SDHA: variants seen among roughly 807,000 people sequenced by gnomAD.
SDHA encodes succinate dehydrogenase [ubiquinone] flavoprotein subunit, mitochondrial.
A neutral mutation model predicts 78.4 loss-of-function variants in SDHA; 48 were observed. The ratio of observed to expected loss-of-function variants is 0.61; its 90% CI spans 0.49 to 0.78. The LOEUF is 0.78. SDHA is among the 30% of genes least tolerant of loss of function. SDHA has a pLI of 0.00. For synonymous variants in SDHA, 326 were observed against 353.9 expected, an observed-to-expected ratio of 0.92 and a Z score of 0.88; for missense variants, 680 against 892.7, an observed-to-expected ratio of 0.76 and a Z score of 3.04.
rs1343186532 is a variant in SDHA at position 250,850 on chromosome 5, C to A, written c.1552-142C>A. Reference sequence around the variant, plus strand: ...ATTTTTAAGTTTGGAGTAATAAACTCATAGTCTGAATTTCCTAATTTTTCT... The same window carrying A: ...ATTTTTAAGTTTGGAGTAATAAACTAATAGTCTGAATTTCCTAATTTTTCT... On this transcript the variant is annotated intron_variant, in intron 11 of 14. Transcript: ENST00000264932. The A allele has an allele frequency of 1.3e-5, 10 of 748,470 alleles. No homozygotes were observed. The East Asian group carries it at 2.7e-4, about 20-fold the overall frequency. The allele number at this position is 748,470 out of a possible 1,614,324, so 46.4% of individuals were successfully genotyped here.
intron 5 of SDHA, 171 bp from the exon 6 acceptor site, chr5:228,014 G>A (rs2162870): frequency 0.16 from 107,171 of 684,354 alleles, 13,230 homozygotes; most frequent in African/African-American, 0.53. Context: ...ACTGCTCGGC[G>A]TGGAATGCCT....
At chr5:248,379 GA>G (rs1249095938) in intron 11 of SDHA, among the ~76,000 whole-genome samples, 1 of 152,186 alleles carries the variant, frequency 6.6e-6, no homozygotes, top group Non-Finnish European at 1.5e-5. Context: ...AAAACCTGAG[GA>G]AAGCGGGACA....
the SDHA span, among the ~76,000 whole-genome samples, chr5:266,318 A>AC: frequency 2.6e-5 from 4 of 152,210 alleles, no homozygotes; most frequent in Non-Finnish European, 5.9e-5. Flanking sequence ...TAGCACAGGC[A>AC]CCCCTGAAGC....
chr5:247,958 G>A (rs1202441840), intron 11 of SDHA, among the ~76,000 whole-genome samples: 1 of 151,802 alleles, frequency 6.6e-6, no homozygotes, highest in Non-Finnish European at 1.5e-5. Flanking sequence ...GGGAAAACAG[G>A]GACTACGGGA....
At chr5:231,743 C>T (rs1477016833) in intron 7 of SDHA, among the ~76,000 whole-genome samples, 1 of 151,376 alleles carries the variant, frequency 6.6e-6, no homozygotes, top group African/African-American at 2.4e-5. Flanking sequence ...GCCATGGAAC[C>T]GAGAAGCAGC....
intron 3 of SDHA, 42 bp from the exon 4 acceptor site, chr5:225,377 C>T (rs377528979): frequency 2.0e-5 from 33 of 1,611,612 alleles, no homozygotes; most frequent in Middle Eastern, 4.5e-4. Context: ...ACAAAGTTGG[C>T]GCTCCTGTTT....
At chr5:251,172 C>G (rs995737878) in intron 12 of SDHA, 69 bp downstream of exon 12, 11 of 1,561,016 alleles carry the variant, frequency 7.0e-6, no homozygotes, top group Middle Eastern at 2.3e-4. Flanking sequence ...GGTGTCTGTC[C>G]CGTCAGTGCT....
chr5:239,804 C>G (rs1579416526), intron 10 of SDHA, among the ~76,000 whole-genome samples: 2 of 149,596 alleles, frequency 1.3e-5, no homozygotes, highest in East Asian at 2.0e-4. Flanking sequence ...GGGTCTCGCT[C>G]TGTTGCCCAG....
At chr5:238,545 T>C (rs1439523337) in intron 10 of SDHA, among the ~76,000 whole-genome samples, 1 of 151,956 alleles carries the variant, frequency 6.6e-6, no homozygotes, top group East Asian at 1.9e-4. Context: ...TTTTTAAAAA[T>C]GTTTTGTAGG....
rs760832857 is a variant in SDHA at position 230,111 on chromosome 5, A to G, written c.771-765A>G. Among the ~76,000 whole-genome samples the G allele has an allele frequency of 6.6e-5, 10 of 152,250 alleles. No homozygotes were observed. In the South Asian group the frequency reaches 2.1e-3, roughly 31 times the overall value. ...AGGCGTCTGTATCTCCAAAAAAAGG[A>G]TAATTGTATGAGGTGATAGATGTGT... On this transcript the variant is annotated intron_variant, in intron 6 of 14. Coordinates refer to ENST00000264932, the MANE Select transcript of SDHA (RefSeq NM_004168.4).
chr5:265,213 TAAA>T, the SDHA span, among the ~76,000 whole-genome samples: 2 of 151,918 alleles, frequency 1.3e-5, no homozygotes, highest in African/African-American at 4.8e-5. Context: ...TCTCAAAAAA[TAAA>T]AAAAGATTTT....
intron 10 of SDHA, among the ~76,000 whole-genome samples, chr5:237,541 C>T (rs1421819178): frequency 2.2e-5 from 3 of 134,448 alleles, no homozygotes; most frequent in Non-Finnish European, 4.5e-5. Context: ...GACATCCTCA[C>T]GGTGGTTATC....
Position 233,682 on chromosome 5 carries a change from C to T in SDHA, c.1064+37C>T, listed in dbSNP as rs1735571592. On this transcript the variant is annotated intron_variant, in intron 8 of 14. Coordinates refer to ENST00000264932, the MANE Select transcript of SDHA (RefSeq NM_004168.4). ...TTACCACCAGCACTGTCTGAGCGGGCACACGGGCCGGGGTTGCTTCTGTGA... is the reference window on the plus strand; with the variant it reads ...TTACCACCAGCACTGTCTGAGCGGGTACACGGGCCGGGGTTGCTTCTGTGA... 2.5e-6 allele frequency: 4 copies of T among 1,609,748 alleles called. No homozygotes were observed. In the South Asian group the frequency reaches 4.4e-5, roughly 18 times the overall value.
At position 239,671 on chromosome 5, in the gene SDHA, G is replaced by T. The variant is rs149870463; in HGVS notation, c.1433-687G>T. 2.6e-3 allele frequency among the ~76,000 whole-genome samples: 390 copies of T among 152,260 alleles called. 1 individual carries two copies. The highest frequency in any genetic ancestry group is 8.9e-3 in the African/African-American group (369 of 41,542). ...CCACCTTCCCCCCGCTGATGTGAAG[G>T]GTGGCCGGCCCCTTGGGACCACCAT... On this transcript the variant is annotated intron_variant, in intron 10 of 14. Transcript: ENST00000264932.
chr5:259,663 C>G (rs1430455701), downstream of SDHA, among the ~76,000 whole-genome samples: 1 of 14,648 alleles, frequency 6.8e-5, no homozygotes, highest in African/African-American at 5.4e-4. Flanking sequence ...CCGCCTCCCG[C>G]CAGAGCATTA....
At chr5:257,720 C>T (rs1181609758), downstream of SDHA, among the ~76,000 whole-genome samples, 13 of 102,918 alleles carry the variant, frequency 1.3e-4, 1 homozygote, top group East Asian at 1.0e-3. Flanking sequence ...ACAGCATTAC[C>T]GTGTGAGCTC....
At chr5:220,478 C>T in intron 1 of SDHA, 1 of 189,854 alleles carries the variant, frequency 5.3e-6, no homozygotes, top group South Asian at 8.4e-5. Context: ...TAGTAGTAAA[C>T]CTTTGCTTTG....
intron 14 of SDHA, 101 bp from the exon 15 acceptor site, chr5:256,233 C>T: frequency 2.3e-6 from 2 of 860,588 alleles, no homozygotes; most frequent in Non-Finnish European, 4.1e-6. Flanking sequence ...AGTTCACATG[C>T]CATAAATCTA....
In SDHA at chr5:254,482, C is replaced by G. The variant is rs1224468457; in HGVS notation, c.1884C>G (p.Ser628=). The G allele has an allele frequency of 3.8e-6, 6 of 1,578,782 alleles. No individual in the cohort carries two copies. The highest frequency in any genetic ancestry group is 2.3e-5 in the East Asian group (1 of 43,630). ...AGCACTGGAGGAAGCACACCCTGTC[C>G]TATGTGGACGTTGGCACTGGGAAGG... is the stretch of plus-strand genomic sequence containing the variant. ...FEEHWRKHTL[S]YVDVGTGKVT... is the part of the protein sequence containing the mutation. The change falls in exon 14 of 15, where the codon TCC becomes TCG. Residue 628 remains serine, a synonymous_variant. Coordinates refer to ENST00000264932, the MANE Select transcript of SDHA (RefSeq NM_004168.4).
Sources: gnomAD v4.1 joint callset for allele counts (sites outside exome capture counted in the v4.1 genomes callset) on GRCh38, gnomAD v4.1.1 for gene constraint, MANE v1.5 for transcripts, NCBI Gene and HGNC (gene_info 2026-07-23, HGNC 2026-07-21) for gene names.